The following TTN variants were observed in gnomAD, a reference collection of about 807,000 sequenced individuals.
TTN encodes the protein titin, also known as connectin.
TTN carries 1,525 observed loss-of-function variants against 3,223.0 expected under a neutral mutation model. The ratio of observed to expected loss-of-function variants is 0.47; its 90% CI spans 0.45 to 0.49. The LOEUF (loss-of-function observed/expected upper bound fraction) is 0.49, where lower values mean the gene tolerates loss of function less well. TTN is among the 20% of genes least tolerant of loss of function. The pLI is 0.00. For missense variants in TTN, 40,786 were observed against 43,424.0 expected, an observed-to-expected ratio of 0.94 and a Z score of 5.40; for synonymous variants, 14,094 against 15,161.0, an observed-to-expected ratio of 0.93 and a Z score of 5.17.
At chr2:178,600,290 C>T (rs2052989412) in intron 288 of TTN, among the ~76,000 whole-genome samples, 1 of 151,580 alleles carries the variant, frequency 6.6e-6, no homozygotes, top group Non-Finnish European at 1.5e-5. Context: ...TTCCATTTTG[C>T]ACAAATTTAG....
At chr2:178,766,992 A>G (rs2090557250) in intron 40 of TTN, among the ~76,000 whole-genome samples, 1 of 152,200 alleles carries the variant, frequency 6.6e-6, no homozygotes, top group African/African-American at 2.4e-5. Flanking sequence ...ATGAATAATA[A>G]CTTTGTGGGC....
Position 178,666,804 on chromosome 2 carries a change from G to T in TTN, c.35875+20C>A. Reference sequence around the variant, plus strand: ...ACTGCAAACATGAGATTAAAAAGGTGACTTTCTTCCAACTTGTACCTGTTG... The same window carrying T: ...ACTGCAAACATGAGATTAAAAAGGTTACTTTCTTCCAACTTGTACCTGTTG... On this transcript the variant is annotated intron_variant, in intron 163 of 362. Coordinates refer to ENST00000589042, the MANE Select transcript of TTN (RefSeq NM_001267550.2). 6.5e-7 allele frequency: 1 copy of T among 1,533,828 alleles called. No homozygotes were observed. The highest frequency in any genetic ancestry group is 2.4e-5 in the East Asian group (1 of 41,788).
In TTN at chr2:178,732,072, C is replaced by T; in HGVS notation, c.16897G>A (p.Val5633Ile). 1 of 1,602,712 alleles carries T rather than the reference C, an allele frequency of 6.2e-7. No individual in the cohort carries two copies. The change falls in exon 57 of 363, where the codon GTC (valine) becomes ATC (isoleucine). Residue 5633 changes from valine (V) to isoleucine (I), a missense_variant. Physicochemically the swap from Val to Ile is conservative, Grantham distance 29. Transcript: ENST00000589042. ...AGGCAAAGTGAACACAAACCTTTGA[C>T]TATTACAATGCTACTGCAGTGGTCA... ...GSDHCSSIVIVKESPYFTKEF... is the reference protein window; with the variant it reads ...GSDHCSSIVIIKESPYFTKEF...
intron 227 of TTN, 48 bp downstream of exon 227, chr2:178,635,392 T>TA: frequency 6.2e-7 from 1 of 1,605,484 alleles, no homozygotes; most frequent in Non-Finnish European, 8.5e-7. Context: ...TATTTGGCTT[T>TA]ACACATACGC....
chr2:178,752,996 C>A, intron 47 of TTN, 128 bp downstream of exon 47: 1 of 692,730 alleles, frequency 1.4e-6, no homozygotes, highest in Non-Finnish European at 2.5e-6. Context: ...GTAATATATA[C>A]TCTAAGAGAT....
rs2057418334 is a variant in TTN, at chr2:178,616,761, G to C, written c.48128C>G (p.Thr16043Arg). 1 of 1,612,480 alleles carries C rather than the reference G, an allele frequency of 6.2e-7. No homozygotes were observed. The highest frequency in any genetic ancestry group is 1.7e-5 in the Admixed American group (1 of 59,898). ...ATTGACATCAATTTCCCCAGAAATT[G>C]TTTTCACACGGTTTTCTAATTTCAG... ...YTLKLENRVKTISGEIDVNVI... is the reference protein window; with the variant it reads ...YTLKLENRVKRISGEIDVNVI... Residue 16043 changes from threonine (T) to arginine (R), a missense_variant, in exon 256 of 363, where the codon ACA (threonine) becomes AGA (arginine). By Grantham distance (71) the Thr-to-Arg change is moderately conservative. Transcript: ENST00000589042.
rs767057972 is a variant in TTN, at chr2:178,714,094, C to A, written c.26564G>T (p.Gly8855Val). The change falls in exon 92 of 363, where the codon GGC becomes GTC. Residue 8855 changes from glycine to valine, a missense_variant. By Grantham distance (109) the Gly-to-Val change is moderately radical. Transcript: ENST00000589042. ...CCACTTAGTACTGAGTTCAGGGGTG[C>A]CAGCTACTGTACACTCCAAGGTACA... ...DTCTLECTVA[G>V]TPELSTKWFK... 23 of 1,613,552 alleles carry A rather than the reference C, an allele frequency of 1.4e-5. No homozygotes were observed. Among genetic ancestry groups the A allele is most frequent in the Admixed American group, 8.3e-5 (5 of 59,950 alleles).
At position 178,781,179 on chromosome 2, in the gene TTN, A is replaced by G; in HGVS notation, c.3465T>C (p.Thr1155=). The G allele has an allele frequency of 6.2e-7, 1 of 1,614,092 alleles. No individual in the cohort carries two copies. The highest frequency in any genetic ancestry group is 8.5e-7 in the Non-Finnish European group (1 of 1,179,974). The part of the protein sequence containing the change: ...MTFADDAGEY[T]IVVRNKHGET... ...CTCCATGCTTATTGCGAACAACAAT[A>G]GTGTATTCTCCAGCATCATCAGCAA... The change falls in exon 21 of 363, where the codon ACT becomes ACC. Residue 1155 remains threonine, a synonymous_variant. Transcript: ENST00000589042.
intron 337 of TTN, 31 bp downstream of exon 337, chr2:178,549,955 T>C: frequency 1.3e-6 from 2 of 1,575,532 alleles, no homozygotes; most frequent in Non-Finnish European, 1.7e-6. Flanking sequence ...AGTTCATAAA[T>C]TGTAGCATTA....
rs72646852 is a variant in TTN at position 178,588,560 on chromosome 2, C to T, written c.63165G>A (p.Pro21055=). 2,219 of 1,531,202 alleles carry T rather than the reference C, an allele frequency of 1.4e-3. 5 individuals are homozygous for T. The highest frequency in any genetic ancestry group is 1.7e-3 in the Non-Finnish European group (1,892 of 1,142,994). 94.9% of individuals were successfully genotyped at this position (1,531,202 alleles called of 1,614,324 possible). A position where few individuals can be genotyped will look rare whatever the true frequency, so the allele number is the denominator to read the frequency against. ...TACCTATGGGGTCTTTTGCCACCAC[C>T]GGTCTTGAAGGCAAGCTTGGTTCTC... ...GIGEPSLPSR[P]VVAKDPIEPP... Residue 21055 remains proline, a synonymous_variant, in exon 304 of 363, where the codon CCG becomes CCA. Transcript: ENST00000589042.
At chr2:178,791,932 T>C in intron 10 of TTN, 140 bp downstream of exon 10, 1 of 849,472 alleles carries the variant, frequency 1.2e-6, no homozygotes, top group Non-Finnish European at 1.8e-6. Flanking sequence ...TGAGTTTCAA[T>C]ACTAGACATA....
chr2:178,680,990 T>A, intron 138 of TTN, 89 bp downstream of exon 138: 1 of 1,164,592 alleles, frequency 8.6e-7, no homozygotes, highest in South Asian at 1.5e-5. Flanking sequence ...TTAAAAGACA[T>A]GAAACAACAA....
Position 178,592,262 on chromosome 2 carries a change from G to C in TTN, c.59642C>G (p.Pro19881Arg). 1.2e-6 allele frequency: 2 copies of C among 1,611,210 alleles called. No homozygotes were observed. Among genetic ancestry groups the C allele is most frequent in the Non-Finnish European group, 1.7e-6 (2 of 1,178,912 alleles). Reference sequence around the variant, plus strand: ...AATTTCACTGACTTCCAGATCTCTAGGTGGCCCAGGTTTATCTAAAAAGTG... The same window carrying C: ...AATTTCACTGACTTCCAGATCTCTACGTGGCCCAGGTTTATCTAAAAAGTG... ...KVLVLDKPGP[P>R]RDLEVSEIRK... Residue 19881 changes from proline to arginine, a missense_variant, in exon 302 of 363, where the codon CCT becomes CGT. By Grantham distance (103) the Pro-to-Arg change is moderately radical (BLOSUM62 -2). Transcript: ENST00000589042.
Position 178,572,939 on chromosome 2 carries a change from C to G in TTN, c.73193G>C (p.Arg24398Pro). Residue 24398 changes from arginine to proline, a missense_variant, in exon 326 of 363, where the codon CGC (arginine) becomes CCC (proline). Physicochemically the swap from Arg to Pro is moderately radical, Grantham distance 103 (BLOSUM62 -2). Coordinates refer to ENST00000589042, the MANE Select transcript of TTN (RefSeq NM_001267550.2). ...TCCTTCGGAATTCATGGCATAGATG[C>G]GGATCTTATATTCCTGATTCTCTGT... ...GLTENQEYKIRIYAMNSEGLG... is the reference protein window; with the variant it reads ...GLTENQEYKIPIYAMNSEGLG... The G allele has an allele frequency of 6.2e-7, 1 of 1,613,206 alleles. No homozygotes were observed. Among genetic ancestry groups the G allele is most frequent in the Non-Finnish European group, 8.5e-7 (1 of 1,179,556 alleles).
rs1466750954 is a variant in TTN, at chr2:178,576,149, G to A, written c.69983C>T (p.Ala23328Val). 5.7e-5 allele frequency: 92 copies of A among 1,613,088 alleles called. No homozygotes were observed. Among genetic ancestry groups the A allele is most frequent in the Non-Finnish European group, 7.5e-5 (88 of 1,179,498 alleles). The part of the protein sequence containing the change: ...AINDAGVGEP[A>V]VIPDVEIVER... Reference sequence around the variant, plus strand: ...TACGATTTCAACATCTGGAATCACCGCTGGCTCCCCAACACCTGCATCGTT... The same window carrying A: ...TACGATTTCAACATCTGGAATCACCACTGGCTCCCCAACACCTGCATCGTT... The change falls in exon 326 of 363, where the codon GCG (alanine) becomes GTG (valine). Residue 23328 changes from alanine to valine, a missense_variant. By Grantham distance (64) the Ala-to-Val change is moderately conservative. Coordinates refer to ENST00000589042, the MANE Select transcript of TTN (RefSeq NM_001267550.2). This position sits in a 1 kb window ranked among gnomAD's most constrained non-coding sequence, Gnocchi z 4.3.
chr2:178,644,493 A>G, intron 218 of TTN, 55 bp downstream of exon 218: 1 of 1,300,152 alleles, frequency 7.7e-7, no homozygotes, highest in Non-Finnish European at 1.0e-6. Flanking sequence ...AGAAAGAGCA[A>G]GGAGTCAGGT....
chr2:178,566,696 T>A lies in TTN; in HGVS notation c.79436A>T (p.Tyr26479Phe), dbSNP rs747150576. Residue 26479 changes from tyrosine (Y) to phenylalanine (F), a missense_variant, in exon 326 of 363, where the codon TAT becomes TTT. Physicochemically the swap from Tyr to Phe is conservative, Grantham distance 22. Transcript: ENST00000589042. ...VGEPSPATVY[Y>F]KACDPVFKPG... is the part of the protein sequence containing the mutation. ...TTTGAACACAGGATCACAGGCTTTA[T>A]AATAAACTGTAGCTGGACTTGGTTC... 1 of 1,613,422 alleles carries A rather than the reference T, an allele frequency of 6.2e-7. No homozygotes were observed. Among genetic ancestry groups the A allele is most frequent in the African/African-American group, 1.3e-5 (1 of 75,028 alleles).
chr2:178,774,998 G>T lies in TTN; in HGVS notation c.6713C>A (p.Thr2238Lys). The T allele has an allele frequency of 6.2e-7, 1 of 1,613,944 alleles. No individual in the cohort carries two copies. Among genetic ancestry groups the T allele is most frequent in the Non-Finnish European group, 8.5e-7 (1 of 1,179,914 alleles). The change falls in exon 29 of 363, where the codon ACG (threonine) becomes AAG (lysine). Residue 2238 changes from threonine to lysine, a missense_variant. Coordinates refer to ENST00000589042, the MANE Select transcript of TTN (RefSeq NM_001267550.2). ...VHFLSILTIDTSDAEDYSCVL... is the reference protein window; with the variant it reads ...VHFLSILTIDKSDAEDYSCVL... The stretch of plus-strand genomic sequence containing the variant: ...ACAGCTGTAATCTTCAGCATCAGAC[G>T]TATCAATGGTCAGTATGGAGAGGAA...
In TTN at chr2:178,696,007, TTC is replaced by T; in HGVS notation, c.31063_31064del (p.Glu10355SerfsTer10). On this transcript the variant is annotated frameshift_variant, in exon 114 of 363. Coordinates refer to ENST00000589042, the MANE Select transcript of TTN (RefSeq NM_001267550.2). LOFTEE classifies it high-confidence loss of function. ...AATCTTCTTCCCATTCCTCGTGAAC[TTC>T]TTTTTTAGCTTCTACCTTAATCTCT... ...YEEIKVEAKK[E>X]VHEEWEEDFE... 2.6e-6 allele frequency: 4 copies of T among 1,548,772 alleles called. No individual in the cohort carries two copies. The highest frequency in any genetic ancestry group is 3.5e-6 in the Non-Finnish European group (4 of 1,146,068).
Sources: gnomAD v4.1 joint callset for allele counts (sites outside exome capture counted in the v4.1 genomes callset) on GRCh38, gnomAD v4.1.1 for gene constraint, Gnocchi (gnomAD v3.1) non-coding constraint, MANE v1.5 for transcripts, NCBI Gene and HGNC (gene_info 2026-07-23, HGNC 2026-07-21) for gene names.